The following DBT variants were observed in gnomAD, a reference collection of about 807,000 sequenced individuals.
The protein encoded by DBT is lipoamide acyltransferase component of branched-chain alpha-keto acid dehydrogenase complex, mitochondrial.
In DBT, 40 loss-of-function variants were observed where a neutral mutation model predicts 51.3. That is an observed-to-expected ratio of 0.78 (90% CI 0.61 to 1.02). DBT has a LOEUF of 1.02. Among genes scored for constraint, DBT ranks in the 50% least tolerant of loss-of-function variants. The pLI is 0.00. For missense variants in DBT, 510 were observed against 580.2 expected (o/e 0.88, Z 1.24); for synonymous variants, 181 against 190.4 (o/e 0.95, Z 0.41).
intron 2 of DBT, 98 bp downstream of exon 2, chr1:100,240,662 CT>C (rs950831084): frequency 1.2e-4 from 119 of 1,028,382 alleles, no homozygotes; most frequent in African/African-American, 5.3e-4. Flanking sequence ...ACAGAGTCAA[CT>C]TTTTTTTGTT....
intron 5 of DBT, 76 bp from the exon 6 acceptor site, chr1:100,216,275 T>A (rs771266136): frequency 1.0e-6 from 1 of 992,362 alleles, no homozygotes. Flanking sequence ...TGGAATTTGA[T>A]CAACTGACAG....
chr1:100,218,125 C>T (rs568384232), intron 5 of DBT, among the ~76,000 whole-genome samples: 3 of 152,330 alleles, frequency 2.0e-5, no homozygotes, highest in South Asian at 2.1e-4. Context: ...AGCAGTAATT[C>T]TGTGGTTCTC....
intron 2 of DBT, among the ~76,000 whole-genome samples, chr1:100,239,245 A>C (rs1390110323): frequency 6.6e-6 from 1 of 152,210 alleles, no homozygotes; most frequent in Admixed American, 6.5e-5. Context: ...GCTTAAAGTT[A>C]CACTGCTAGT....
Position 100,191,664 on chromosome 1 carries a change from A to G in DBT, c.*4591T>C, listed in dbSNP as rs1237257746. ...GACTCAAGTGTGGACAGAGTATTCT[A>G]TTCTCCTGCCCACACTGATGGGCAC... On this transcript the variant is annotated 3_prime_UTR_variant, in exon 11 of 11. Coordinates refer to ENST00000370132, the MANE Select transcript of DBT (RefSeq NM_001918.5). 1.3e-5 allele frequency: 2 copies of G among 152,048 alleles called. No individual in the cohort carries two copies. Among genetic ancestry groups the G allele is most frequent in the Non-Finnish European group, 2.9e-5 (2 of 68,050 alleles). The allele number at this position is 152,048 out of a possible 1,614,324, so 9.4% of individuals were successfully genotyped here. A position where few individuals can be genotyped will look rare whatever the true frequency, so the allele number is the denominator to read the frequency against.
At position 100,188,671 on chromosome 1, in the gene DBT, TCTGTC is replaced by T. The variant is rs1660680175; in HGVS notation, c.*7579_*7583del. The stretch of plus-strand genomic sequence containing the variant: ...TGATCTTCCACCTGTTCTCATTTCT[TCTGTC>T]CTGTCTCTTGTTGAGTCACAACAGC... On this transcript the variant is annotated 3_prime_UTR_variant, in exon 11 of 11. Transcript: ENST00000370132. 1.3e-5 allele frequency: 2 copies of T among 152,254 alleles called. No homozygotes were observed. Among genetic ancestry groups the T allele is most frequent in the African/African-American group, 4.8e-5 (2 of 41,450 alleles). The allele number at this position is 152,254 out of a possible 1,614,324, so 9.4% of individuals were successfully genotyped here. A position where few individuals can be genotyped will look rare whatever the true frequency, so the allele number is the denominator to read the frequency against.
At chr1:100,215,112 T>G in intron 6 of DBT, 129 bp from the exon 7 acceptor site, 1 of 688,486 alleles carries the variant, frequency 1.5e-6, no homozygotes, top group Non-Finnish European at 2.5e-6. Flanking sequence ...ACCCTTCCTC[T>G]TACTACTCTC....
intron 7 of DBT, among the ~76,000 whole-genome samples, chr1:100,211,548 G>A (rs1031372888): frequency 1.7e-4 from 26 of 152,168 alleles, no homozygotes; most frequent in African/African-American, 6.0e-4. Context: ...CCCTTGTCTG[G>A]TCCCTGTTAA....
chr1:100,221,089 A>T (rs1458972852), intron 4 of DBT, among the ~76,000 whole-genome samples: 1 of 152,220 alleles, frequency 6.6e-6, no homozygotes, highest in Non-Finnish European at 1.5e-5. Flanking sequence ...AAAAATTATT[A>T]CATTATTCCA....
chr1:100,236,110 CAG>C (rs1663853073), intron 2 of DBT, among the ~76,000 whole-genome samples: 1 of 150,744 alleles, frequency 6.6e-6, no homozygotes, highest in East Asian at 1.9e-4. Context: ...TTTTTGGAGA[CAG>C]AGTCTCACTA....
intron 4 of DBT, among the ~76,000 whole-genome samples, chr1:100,225,262 T>C (rs1278388752): frequency 6.6e-6 from 1 of 151,858 alleles, no homozygotes; most frequent in Non-Finnish European, 1.5e-5. Context: ...CACTCGTTGG[T>C]TTTCTGTTAT....
At chr1:100,237,215 T>G (rs994701473) in intron 2 of DBT, among the ~76,000 whole-genome samples, 2 of 152,170 alleles carry the variant, frequency 1.3e-5, no homozygotes, top group African/African-American at 4.8e-5. Context: ...TACTGGAGGA[T>G]GAGACATCAG....
chr1:100,241,895 C>T (rs1024219495), intron 1 of DBT, among the ~76,000 whole-genome samples: 1 of 152,070 alleles, frequency 6.6e-6, no homozygotes, highest in Non-Finnish European at 1.5e-5. Context: ...GTGGCATGCG[C>T]CTGTAGTCCC....
chr1:100,232,838 ACAAT>A (rs1225440959), intron 3 of DBT, among the ~76,000 whole-genome samples: 1 of 152,232 alleles, frequency 6.6e-6, no homozygotes, highest in Non-Finnish European at 1.5e-5. Context: ...GAAGGAAGAG[ACAAT>A]AGAGCTATAT....
chr1:100,235,570 T>C, intron 2 of DBT, 59 bp from the exon 3 acceptor site: 6 of 892,496 alleles, frequency 6.7e-6, no homozygotes, highest in Non-Finnish European at 1.1e-5. Context: ...TAATATATAC[T>C]TTCACATCTA....
chr1:100,216,830 C>T (rs1249582982), intron 5 of DBT, among the ~76,000 whole-genome samples: 2 of 152,062 alleles, frequency 1.3e-5, no homozygotes, highest in Admixed American at 6.6e-5. Context: ...AAGATCAGTA[C>T]AAAACATTTA....
At position 100,188,492 on chromosome 1, in the gene DBT, C is replaced by T. The variant is rs1007144069; in HGVS notation, c.*7763G>A. The T allele has an allele frequency of 6.6e-6, 1 of 152,042 alleles. No individual in the cohort carries two copies. Among genetic ancestry groups the T allele is most frequent in the Non-Finnish European group, 1.5e-5 (1 of 68,010 alleles). The allele number at this position is 152,042 out of a possible 1,614,324, so 9.4% of individuals were successfully genotyped here. ...CACACTTGAAGTTAAATAGCTTTTT[C>T]CAAGTTTAATACAGTTTGATGGCTC... On this transcript the variant is annotated 3_prime_UTR_variant, in exon 11 of 11. Coordinates refer to ENST00000370132, the MANE Select transcript of DBT (RefSeq NM_001918.5).
At chr1:100,243,359 G>C (rs1365151757) in intron 1 of DBT, among the ~76,000 whole-genome samples, 2 of 150,246 alleles carry the variant, frequency 1.3e-5, no homozygotes, top group African/African-American at 4.9e-5. Flanking sequence ...CTGTCACCCA[G>C]GCTGGAGTGC....
intron 4 of DBT, among the ~76,000 whole-genome samples, chr1:100,225,954 G>A (rs948319637): frequency 4.0e-5 from 6 of 151,682 alleles, no homozygotes; most frequent in African/African-American, 1.2e-4. Flanking sequence ...AGCTATGATC[G>A]TGCCACTCTA....
rs933403109 is a variant in DBT, at chr1:100,225,288, A to G, written c.433+5445T>C. The stretch of plus-strand genomic sequence containing the variant: ...TTTCTGTTATTAGAGATTAGTTTGG[A>G]TTTTCTAAAATTGTATGTAATGAAA... On this transcript the variant is annotated intron_variant, in intron 4 of 10. Transcript: ENST00000370132. Among the ~76,000 whole-genome samples, 7 of 151,684 alleles carry G rather than the reference A, an allele frequency of 4.6e-5. No homozygotes were observed. The South Asian group carries it at 1.2e-3, about 27-fold the overall frequency.
Sources: gnomAD v4.1 joint callset for allele counts (sites outside exome capture counted in the v4.1 genomes callset) on GRCh38, gnomAD v4.1.1 for gene constraint, MANE v1.5 for transcripts, NCBI Gene and HGNC (gene_info 2026-07-23, HGNC 2026-07-21) for gene names.